Variants in SLIT2 observed in about 807,000 individuals in gnomAD.
SLIT2 encodes slit homolog 2 protein.
SLIT2 carries 41 observed loss-of-function variants against 185.7 expected under a neutral mutation model. That is an observed-to-expected ratio of 0.22 (90% CI 0.17 to 0.29). SLIT2 has a LOEUF of 0.29. Among genes scored for constraint, SLIT2 ranks in the 10% least tolerant of loss-of-function variants. SLIT2 has a pLI of 1.00. For synonymous variants in SLIT2, 693 were observed against 680.2 expected (o/e 1.02, Z -0.29); for missense variants, 1,571 against 1,909.0 (o/e 0.82, Z 3.30).
intron 9 of SLIT2, among the ~76,000 whole-genome samples, chr4:20,508,606 T>C (rs771212131): frequency 1.3e-5 from 2 of 152,066 alleles, no homozygotes; most frequent in African/African-American, 4.8e-5. Context: ...AAATTCTATA[T>C]GCAGTAATAC....
At chr4:20,527,751 TAAAG>T (rs1048415779) in intron 15 of SLIT2, among the ~76,000 whole-genome samples, 2 of 152,198 alleles carry the variant, frequency 1.3e-5, no homozygotes, top group African/African-American at 4.8e-5. Flanking sequence ...ATTCCCATAA[TAAAG>T]AAAGAAGGAA....
At chr4:20,418,247 A>G (rs535449048) in intron 4 of SLIT2, among the ~76,000 whole-genome samples, 2 of 152,296 alleles carry the variant, frequency 1.3e-5, no homozygotes, top group African/African-American at 4.8e-5. Flanking sequence ...GAAGTTATAC[A>G]TGGTTAGATA....
chr4:20,420,599 C>T (rs1421890550), intron 4 of SLIT2, among the ~76,000 whole-genome samples: 1 of 149,694 alleles, frequency 6.7e-6, no homozygotes, highest in Non-Finnish European at 1.5e-5. Context: ...GAAACTAAGA[C>T]ACAGAGAATA....
chr4:20,589,819 G>A (rs1727357022), intron 30 of SLIT2, 82 bp downstream of exon 30: 1 of 861,818 alleles, frequency 1.2e-6, no homozygotes, highest in Admixed American at 2.0e-5. Context: ...TTCATCCTTA[G>A]CTTCACACCT....
intron 4 of SLIT2, among the ~76,000 whole-genome samples, chr4:20,379,805 A>G (rs953500054): frequency 6.6e-6 from 1 of 152,186 alleles, no homozygotes. Context: ...CGACTCCCCA[A>G]GCTTACTATC....
Position 20,277,363 on chromosome 4 carries a change from A to G in SLIT2, c.395+8482A>G, listed in dbSNP as rs183231708. On this transcript the variant is annotated intron_variant, in intron 4 of 36. Transcript: ENST00000504154. ...CAAACAGTTTAACCTTGACCCTTTAAAAAAATATTAATTTAAATTAAATTT... is the reference window on the plus strand; with the variant it reads ...CAAACAGTTTAACCTTGACCCTTTAGAAAAATATTAATTTAAATTAAATTT... Among the ~76,000 whole-genome samples the G allele has an allele frequency of 3.9e-5, 6 of 152,148 alleles. No individual in the cohort carries two copies. In the East Asian group the frequency reaches 1.2e-3, roughly 29 times the overall value.
At chr4:20,511,718 G>A (rs1343426100) in intron 11 of SLIT2, among the ~76,000 whole-genome samples, 3 of 150,686 alleles carry the variant, frequency 2.0e-5, no homozygotes, top group Admixed American at 6.6e-5. Flanking sequence ...ATGAGCCACC[G>A]TGCCCGGCCC....
chr4:20,393,379 G>A (rs932512588), intron 4 of SLIT2: 1 of 152,106 alleles, frequency 6.6e-6, no homozygotes, highest in Non-Finnish European at 1.5e-5. Context: ...GGGATCTGGA[G>A]CCAGTGGGAA....
intron 12 of SLIT2, among the ~76,000 whole-genome samples, chr4:20,521,190 C>T (rs1276171320): frequency 6.6e-6 from 1 of 152,176 alleles, no homozygotes; most frequent in Non-Finnish European, 1.5e-5. Flanking sequence ...ATGTAACACA[C>T]ATGCTAATAA....
chr4:20,481,491 A>T (rs1456305720), intron 6 of SLIT2, among the ~76,000 whole-genome samples: 1 of 152,026 alleles, frequency 6.6e-6, no homozygotes, highest in Admixed American at 6.6e-5. Flanking sequence ...CATTTTTCGA[A>T]TTTTTTCAGC....
chr4:20,395,937 C>T (rs751263442), intron 4 of SLIT2, among the ~76,000 whole-genome samples: 2 of 151,632 alleles, frequency 1.3e-5, no homozygotes, highest in Admixed American at 6.6e-5. Flanking sequence ...TAATGTTAAA[C>T]ATTACAAAGT....
At chr4:20,410,943 C>G (rs994228406) in intron 4 of SLIT2, among the ~76,000 whole-genome samples, 2 of 151,974 alleles carry the variant, frequency 1.3e-5, no homozygotes, top group African/African-American at 4.8e-5. Context: ...TTTTCTAATT[C>G]TGTAAAGAAT....
chr4:20,543,555 T>C (rs1269875509), intron 21 of SLIT2, among the ~76,000 whole-genome samples: 6 of 152,212 alleles, frequency 3.9e-5, no homozygotes, highest in Non-Finnish European at 5.9e-5. Flanking sequence ...TATGCAGATG[T>C]GTATCAGTTA....
intron 6 of SLIT2, among the ~76,000 whole-genome samples, chr4:20,482,979 T>C (rs765610770): frequency 2.6e-5 from 4 of 151,922 alleles, no homozygotes; most frequent in Non-Finnish European, 4.4e-5. Context: ...CTATTACAAA[T>C]GTTTGGTCAA....
chr4:20,388,792 A>AAT (rs1553892031), intron 4 of SLIT2, among the ~76,000 whole-genome samples: 120 of 132,078 alleles, frequency 9.1e-4, no homozygotes, highest in Middle Eastern at 4.0e-3. Context: ...AAAAAAAAAA[A>AAT]ATATATATAT....
chr4:20,445,105 G>C (rs1711616452), intron 4 of SLIT2, among the ~76,000 whole-genome samples: 1 of 152,176 alleles, frequency 6.6e-6, no homozygotes, highest in African/African-American at 2.4e-5. Flanking sequence ...AATCATGTCA[G>C]TTTCTGCCAT....
At chr4:20,435,223 A>G (rs1228612785) in intron 4 of SLIT2, among the ~76,000 whole-genome samples, 1 of 152,154 alleles carries the variant, frequency 6.6e-6, no homozygotes, top group Admixed American at 6.5e-5. Flanking sequence ...AGGATTATAA[A>G]TGCTCTCTGG....
intron 4 of SLIT2, among the ~76,000 whole-genome samples, chr4:20,378,694 C>T (rs1724233104): frequency 2.0e-5 from 3 of 152,102 alleles, no homozygotes; most frequent in African/African-American, 7.2e-5. Context: ...CTTTGGAAAA[C>T]AGTTAGCCAG....
At position 20,618,997 on chromosome 4, in the gene SLIT2, G is replaced by A. The variant is rs150223027; in HGVS notation, c.4578G>A (p.Arg1526=). ...VEKVVKCGCT[R]CVS ...AAGTGGTGAAGTGCGGCTGTACGAG[G>A]TGTGTGTCCTAAACACACTCCCGGC... is the stretch of plus-strand genomic sequence containing the variant. The change falls in exon 37 of 37, where the codon AGG becomes AGA. Residue 1526 remains arginine (R), a synonymous_variant. Coordinates refer to ENST00000504154, the MANE Select transcript of SLIT2 (RefSeq NM_004787.4). The A allele has an allele frequency of 9.2e-5, 148 of 1,613,516 alleles. No individual in the cohort carries two copies. Among genetic ancestry groups the A allele is most frequent in the Non-Finnish European group, 1.2e-4 (140 of 1,179,592 alleles).
Sources: allele counts gnomAD v4.1 joint callset (sites outside exome capture counted in the v4.1 genomes callset), GRCh38; gene constraint gnomAD v4.1.1; transcripts MANE v1.5; gene names NCBI Gene and HGNC (gene_info 2026-07-23, HGNC 2026-07-21).